The following AOX1 variants were observed in gnomAD, a reference collection of about 807,000 sequenced individuals.
AOX1 encodes aldehyde oxidase.
AOX1 carries 153 observed loss-of-function variants against 169.5 expected under a neutral mutation model. That is an observed-to-expected ratio of 0.90 (90% CI 0.79 to 1.03). AOX1 has a LOEUF of 1.03. Among genes scored for constraint, AOX1 ranks in the 50% least tolerant of loss-of-function variants. AOX1 has a pLI of 0.00. For missense variants in AOX1, 1,656 were observed against 1,663.9 expected (o/e 1.00, Z 0.08); for synonymous variants, 562 against 581.9 (o/e 0.97, Z 0.49).
chr2:200,642,586 C>G (rs758942833), intron 24 of AOX1, 24 bp from the exon 25 acceptor site: 9 of 1,608,152 alleles, frequency 5.6e-6, no homozygotes, highest in Non-Finnish European at 7.7e-6. Flanking sequence ...AGATCTTAAT[C>G]ACATCAACTC....
intron 7 of AOX1, 114 bp from the exon 8 acceptor site, chr2:200,603,903 G>A (rs2034463337): frequency 4.2e-6 from 3 of 706,582 alleles, no homozygotes; most frequent in Admixed American, 4.6e-5. Flanking sequence ...CTGGCCAGTG[G>A]ACTTTTTTGT....
intron 20 of AOX1, among the ~76,000 whole-genome samples, chr2:200,630,359 A>G (rs1004165486): frequency 6.6e-6 from 1 of 152,008 alleles, no homozygotes; most frequent in Non-Finnish European, 1.5e-5. Flanking sequence ...CCTGTCTCCA[A>G]TAAAAATACA....
chr2:200,654,246 T>C (rs936331093), intron 26 of AOX1, among the ~76,000 whole-genome samples: 2 of 145,192 alleles, frequency 1.4e-5, no homozygotes, highest in Admixed American at 6.9e-5. Flanking sequence ...GAAAAGAAAT[T>C]GTTACAACTA....
chr2:200,638,700 C>T (rs2035291703), intron 23 of AOX1, among the ~76,000 whole-genome samples: 1 of 152,090 alleles, frequency 6.6e-6, no homozygotes, highest in Non-Finnish European at 1.5e-5. Flanking sequence ...AAATGGGTTC[C>T]TCATTCTTCA....
At chr2:200,636,746 T>C (rs1220134500) in intron 21 of AOX1, among the ~76,000 whole-genome samples, 165 bp from the exon 22 acceptor site, 1 of 152,212 alleles carries the variant, frequency 6.6e-6, no homozygotes, top group African/African-American at 2.4e-5. Context: ...AGTATGGGTA[T>C]CATGTGCAAC....
chr2:200,663,594 T>TCTCC (rs2035872480), intron 31 of AOX1, among the ~76,000 whole-genome samples: 1 of 118,964 alleles, frequency 8.4e-6, no homozygotes, highest in Non-Finnish European at 1.8e-5. Flanking sequence ...TCTCTCTCTC[T>TCTCC]CTCCCCCTCT....
chr2:200,598,958 G>A lies in AOX1; in HGVS notation c.310-662G>A, dbSNP rs539140938. Among the ~76,000 whole-genome samples, 11 of 152,150 alleles carry A rather than the reference G, an allele frequency of 7.2e-5. No homozygotes were observed. In the South Asian group the frequency reaches 2.3e-3, roughly 32 times the overall value. ...CATTATGACATATCATTAACTAGAG[G>A]GAGAGAATTCTGCCTGGATGCCCAT... On this transcript the variant is annotated intron_variant, in intron 4 of 34. Transcript: ENST00000374700.
At chr2:200,676,213 T>C (rs555955970), downstream of AOX1, among the ~76,000 whole-genome samples, 170 of 152,212 alleles carry the variant, frequency 1.1e-3, 1 homozygote, top group Admixed American at 1.5e-3. Context: ...ACATTTACCA[T>C]CAAGAAACTC....
intron 20 of AOX1, among the ~76,000 whole-genome samples, chr2:200,628,552 C>A (rs1437093094): frequency 2.0e-5 from 3 of 152,196 alleles, no homozygotes; most frequent in Admixed American, 1.3e-4. Context: ...GTCTGTGCCA[C>A]ATCTCAGAGC....
chr2:200,676,998 T>G (rs887466814), exon 5 of AOX1: 8 of 461,802 alleles, frequency 1.7e-5, no homozygotes, highest in Admixed American at 1.5e-4. Flanking sequence ...GAACTTGGTT[T>G]GTTTGTATGT....
In AOX1 at chr2:200,627,388, A is replaced by C. The variant is rs778499722; in HGVS notation, c.2160A>C (p.Glu720Asp). Residue 720 changes from glutamate to aspartate, a missense_variant, in exon 20 of 35, where the codon GAA (glutamate) becomes GAC (aspartate). Transcript: ENST00000374700. ...AACACAACTCCTCCTTCAAGCCAGA[A>C]AGGAAACTGGAATATGGAAATGTTG... ...SIQHNSSFKP[E>D]RKLEYGNVDE... is the part of the protein sequence containing the mutation. 1.2e-5 allele frequency: 20 copies of C among 1,613,918 alleles called. No individual in the cohort carries two copies. The South Asian group carries it at 2.2e-4, about 18-fold the overall frequency.
At chr2:200,669,492 TATATGCACATATGCTATAA>T (rs1360840350) in intron 33 of AOX1, 64 bp from the exon 34 acceptor site, 8 of 1,426,032 alleles carry the variant, frequency 5.6e-6, no homozygotes, top group Non-Finnish European at 6.7e-6. Flanking sequence ...AATATTTTTA[TATATGCACATATGCTATAA>T]ATATGCACAT....
At chr2:200,657,087 G>A (rs2035703605) in intron 27 of AOX1, 150 bp downstream of exon 27, 3 of 395,698 alleles carry the variant, frequency 7.6e-6, no homozygotes, top group East Asian at 8.8e-5. Flanking sequence ...ATTTTGGGAG[G>A]CTGGGGTGAG....
chr2:200,657,190 A>ATATATTTTTTTT, intron 27 of AOX1, among the ~76,000 whole-genome samples: 2 of 62,878 alleles, frequency 3.2e-5, no homozygotes, highest in Non-Finnish European at 5.2e-5. Flanking sequence ...ATATATATAT[A>ATATATTTTTTTT]TTTTTTTTTT....
intron 19 of AOX1, among the ~76,000 whole-genome samples, chr2:200,624,606 G>A (rs1375734677): frequency 2.6e-5 from 4 of 152,214 alleles, no homozygotes; most frequent in Admixed American, 1.3e-4. Flanking sequence ...CATGAAGTGA[G>A]TGTCAGAGAC....
At chr2:200,595,429 C>A in intron 3 of AOX1, 61 bp downstream of exon 3, 2 of 1,248,520 alleles carry the variant, frequency 1.6e-6, no homozygotes, top group Non-Finnish European at 2.3e-6. Flanking sequence ...TTGTTATATT[C>A]CTTCATTTGG....
chr2:200,622,993 CT>C (rs1280793023), intron 18 of AOX1, among the ~76,000 whole-genome samples: 1 of 152,138 alleles, frequency 6.6e-6, no homozygotes, highest in Non-Finnish European at 1.5e-5. Flanking sequence ...AACAAACACA[CT>C]TTTTTTGTGT....
intron 15 of AOX1, 80 bp downstream of exon 15, chr2:200,614,046 C>A: frequency 2.3e-6 from 3 of 1,297,038 alleles, no homozygotes; most frequent in Non-Finnish European, 2.2e-6. Flanking sequence ...GACTCCCTAC[C>A]AAATAGCTGT....
rs180948199 is a variant in AOX1 at position 200,646,225 on chromosome 2, G to A, written c.2847+3424G>A. Among the ~76,000 whole-genome samples the A allele has an allele frequency of 2.0e-3, 298 of 152,142 alleles. 3 individuals carry two copies. The highest frequency in any genetic ancestry group is 5.9e-3 in the African/African-American group (246 of 41,524). On this transcript the variant is annotated intron_variant, in intron 25 of 34. Coordinates refer to ENST00000374700, the MANE Select transcript of AOX1 (RefSeq NM_001159.4). ...CTATGAACTTTCCTCTTAGCACCGC[G>A]TTTGCTGTATCCCAGAGATTTTGAC...
Sources: allele counts gnomAD v4.1 joint callset (sites outside exome capture counted in the v4.1 genomes callset), GRCh38; gene constraint gnomAD v4.1.1; transcripts MANE v1.5; gene names NCBI Gene and HGNC (gene_info 2026-07-23, HGNC 2026-07-21).